The following TTC4 variants were observed in gnomAD, a reference collection of about 807,000 sequenced individuals.
TTC4 encodes tetratricopeptide repeat domain 4, also known as hsp70/Hsp90 co-chaperone CNS1 homolog.
In TTC4, 36 loss-of-function variants were observed where a neutral mutation model predicts 51.9. The ratio of observed to expected loss-of-function variants is 0.69; its 90% confidence interval spans 0.53 to 0.92. The LOEUF is 0.92. Among genes scored for constraint, TTC4 ranks in the 40% least tolerant of loss-of-function variants. The probability of loss-of-function intolerance (pLI) is 0.00; values close to 1 mark genes in which losing one functional copy is unlikely to be tolerated. For missense variants in TTC4, 399 were observed against 454.6 expected, an observed-to-expected ratio of 0.88 and a Z score of 1.11; for synonymous variants, 144 against 164.2, an observed-to-expected ratio of 0.88 and a Z score of 0.94.
chr1:54,722,122 A>C (rs2101308789), intron 4 of TTC4, among the ~76,000 whole-genome samples: 1 of 143,014 alleles, frequency 7.0e-6, no homozygotes, highest in South Asian at 2.5e-4. Context: ...GTACATGATA[A>C]CATGAAATTT....
At chr1:54,729,841 C>T (rs969703881) in intron 6 of TTC4, among the ~76,000 whole-genome samples, 2 of 151,970 alleles carry the variant, frequency 1.3e-5, no homozygotes, top group African/African-American at 4.8e-5. Context: ...CTGCTTCAGC[C>T]TCCCGAGTAG....
chr1:54,730,280 C>CTT (rs746084756), intron 6 of TTC4, among the ~76,000 whole-genome samples: 36 of 133,170 alleles, frequency 2.7e-4, no homozygotes, highest in South Asian at 2.0e-3. Flanking sequence ...TGCATAAATC[C>CTT]TTTTTTTTTT....
At position 54,736,233 on chromosome 1, in the gene TTC4, G is replaced by T. The variant is rs1164428375; in HGVS notation, c.979-1349G>T. Reference sequence around the variant, plus strand: ...GAGAGAGAGAGAGAGAAGAGGAGAGGAGAGAGAAGAGAGGAGAGAGGAGAG... The same window carrying T: ...GAGAGAGAGAGAGAGAAGAGGAGAGTAGAGAGAAGAGAGGAGAGAGGAGAG... On this transcript the variant is annotated intron_variant, in intron 8 of 9. Coordinates refer to ENST00000371281, the MANE Select transcript of TTC4 (RefSeq NM_004623.5). Among the ~76,000 whole-genome samples the T allele has an allele frequency of 3.4e-3, 395 of 117,576 alleles. 26 individuals carry two copies. The highest frequency in any genetic ancestry group is 0.016 in the African/African-American group (363 of 22,410). 77.1% of individuals were successfully genotyped at this position (117,576 alleles called of 152,430 possible).
intron 1 of TTC4, 151 bp downstream of exon 1, chr1:54,716,170 G>C (rs76010054): frequency 1.4e-5 from 9 of 664,892 alleles, no homozygotes; most frequent in African/African-American, 1.8e-5. Context: ...CGGCCTCGAG[G>C]TTTTGAGTCG....
chr1:54,726,240 A>G (rs984550069), intron 5 of TTC4, among the ~76,000 whole-genome samples: 5 of 152,232 alleles, frequency 3.3e-5, no homozygotes, highest in Non-Finnish European at 7.3e-5. Flanking sequence ...TTATGTACAA[A>G]AAATCCTAAG....
chr1:54,722,681 T>G lies in TTC4; in HGVS notation c.476T>G (p.Leu159Ter). The G allele has an allele frequency of 6.2e-7, 1 of 1,613,870 alleles. No homozygotes were observed. Among genetic ancestry groups the G allele is most frequent in the Non-Finnish European group, 8.5e-7 (1 of 1,179,828 alleles). ...CHLKAIIRGA[L>*]CHLELKHFAE... is the part of the protein sequence containing the mutation. The stretch of plus-strand genomic sequence containing the variant: ...AGGGTTCTGGGTTCTGCAGGTGCCT[T>G]ATGCCATCTGGAACTGAAACACTTT... Residue 159 changes from leucine (L) to a stop codon, truncating the protein, a stop_gained, in exon 5 of 10, where the codon TTA becomes TGA. Transcript: ENST00000371281. LOFTEE classifies it high-confidence loss of function.
At chr1:54,735,564 T>C (rs903543136) in intron 8 of TTC4, among the ~76,000 whole-genome samples, 15 of 152,180 alleles carry the variant, frequency 9.9e-5, no homozygotes, top group African/African-American at 2.7e-4. Context: ...AGTGATGCTG[T>C]ATTCTCATTG....
At position 54,741,406 on chromosome 1, in the gene TTC4, G is replaced by C. The variant is rs756566488; in HGVS notation, c.1062-5G>C. 2 of 1,612,478 alleles carry C rather than the reference G, an allele frequency of 1.2e-6. No individual in the cohort carries two copies. The highest frequency in any genetic ancestry group is 1.7e-6 in the Non-Finnish European group (2 of 1,178,554). ...ACACCCTCTCTTTTGTTGTGTTCAC[G>C]GCAGGTACTTTGTAAAAGCCCTGAC... On this transcript the variant is annotated splice_polypyrimidine_tract_variant and splice_region_variant and intron_variant, in intron 9 of 9. Coordinates refer to ENST00000371281, the MANE Select transcript of TTC4 (RefSeq NM_004623.5).
chr1:54,732,459 A>AT (rs553266972), intron 7 of TTC4, among the ~76,000 whole-genome samples: 1,718 of 139,862 alleles, frequency 0.012, 36 homozygotes, highest in African/African-American at 0.037. Context: ...TTTTTTTGTA[A>AT]TTTTTTTTTT....
chr1:54,741,532 A>C lies in TTC4; in HGVS notation c.*19A>C. 1 of 1,598,746 alleles carries C rather than the reference A, an allele frequency of 6.3e-7. No homozygotes were observed. The highest frequency in any genetic ancestry group is 1.1e-5 in the South Asian group (1 of 90,756). On this transcript the variant is annotated 3_prime_UTR_variant, in exon 10 of 10. Coordinates refer to ENST00000371281, the MANE Select transcript of TTC4 (RefSeq NM_004623.5). ...ACGATGACTAAGCCAGGGCCCCTGG[A>C]TCTCCTCCCTTACCCTCCTCTGCTG...
At chr1:54,727,160 C>T (rs1281925765) in intron 5 of TTC4, among the ~76,000 whole-genome samples, 1 of 151,432 alleles carries the variant, frequency 6.6e-6, no homozygotes, top group Non-Finnish European at 1.5e-5. Flanking sequence ...TAACAATAGA[C>T]ATATAGGTCA....
intron 5 of TTC4, among the ~76,000 whole-genome samples, chr1:54,723,457 G>A (rs78888672): frequency 8.5e-5 from 13 of 152,188 alleles, no homozygotes; most frequent in South Asian, 4.1e-4. Context: ...CTCCCATTCC[G>A]TAGTATAAGC....
chr1:54,737,807 C>CTGGAATG (rs1645965041), intron 9 of TTC4, 143 bp downstream of exon 9: 3 of 804,984 alleles, frequency 3.7e-6, no homozygotes, highest in Non-Finnish European at 5.7e-6. Flanking sequence ...TTCCACGTGG[C>CTGGAATG]TGGGGATGCC....
In TTC4 at chr1:54,741,511, T is replaced by C. The variant is rs1557756329; in HGVS notation, c.1162T>C (p.Ter388ArgextTer95). Residue 388 changes from the stop codon to arginine, a stop_lost, in exon 10 of 10, where the codon TGA becomes CGA. Coordinates refer to ENST00000371281, the MANE Select transcript of TTC4 (RefSeq NM_004623.5). ...GGGGAGAAAGGTGTACCAGATACGATGACTAAGCCAGGGCCCCTGGATCTC... is the reference window on the plus strand; with the variant it reads ...GGGGAGAAAGGTGTACCAGATACGACGACTAAGCCAGGGCCCCTGGATCTC... ...LRGRKVYQIR[*>R] The C allele has an allele frequency of 1.2e-6, 2 of 1,613,790 alleles. No individual in the cohort carries two copies. The highest frequency in any genetic ancestry group is 1.3e-5 in the African/African-American group (1 of 75,040).
chr1:54,717,746 G>A, intron 3 of TTC4, 93 bp downstream of exon 3: 2 of 1,198,906 alleles, frequency 1.7e-6, no homozygotes, highest in Non-Finnish European at 2.2e-6. Flanking sequence ...ATGAGGGGCT[G>A]TTATCCCAGA....
At chr1:54,723,637 T>C (rs376497537) in intron 5 of TTC4, among the ~76,000 whole-genome samples, 1 of 152,240 alleles carries the variant, frequency 6.6e-6, no homozygotes, top group East Asian at 1.9e-4. Context: ...GACAACTTGC[T>C]GATCTCTTTG....
chr1:54,728,361 G>T lies in TTC4; in HGVS notation c.610G>T (p.Asp204Tyr), dbSNP rs1332431066. The T allele has an allele frequency of 6.2e-7, 1 of 1,612,646 alleles. No individual in the cohort carries two copies. Among genetic ancestry groups the T allele is most frequent in the African/African-American group, 1.3e-5 (1 of 74,834 alleles). The stretch of plus-strand genomic sequence containing the variant: ...TCATTTTTAGCGAATTGAACAGAGG[G>T]ATGTGAGGAAAGCCAACTTGAAAGA... The part of the protein sequence containing the change: ...ADKLKRIEQR[D>Y]VRKANLKEKK... Residue 204 changes from aspartate to tyrosine, a missense_variant, in exon 6 of 10, where the codon GAT (aspartate) becomes TAT (tyrosine). Asp to Tyr is a radical substitution (Grantham distance 160). Around this residue, in one of 3 missense-constraint regions of TTC4, gnomAD observed 316 missense variants for 349.6 expected, o/e 0.90. Transcript: ENST00000371281.
chr1:54,724,530 T>G (rs2101317999), intron 5 of TTC4, among the ~76,000 whole-genome samples: 1 of 152,232 alleles, frequency 6.6e-6, no homozygotes, highest in African/African-American at 2.4e-5. Context: ...GCCTTAGCCT[T>G]CCAAAGTGCT....
chr1:54,736,193 A>AGAGAGC (rs1408196235), intron 8 of TTC4, among the ~76,000 whole-genome samples: 5 of 116,006 alleles, frequency 4.3e-5, no homozygotes, highest in Non-Finnish European at 8.5e-5. Flanking sequence ...AGAGAGAGAG[A>AGAGAGC]GAGAGAGAGA....
Sources: gnomAD v4.1 joint callset for allele counts (sites outside exome capture counted in the v4.1 genomes callset) on GRCh38, gnomAD v4.1.1 for gene constraint, gnomAD v4.1.1 regional missense constraint, MANE v1.5 for transcripts, NCBI Gene and HGNC (gene_info 2026-07-23, HGNC 2026-07-21) for gene names.